The following LINGO1 variants were observed in gnomAD, a reference collection of about 807,000 sequenced individuals.
LINGO1 encodes leucine-rich repeat and immunoglobulin-like domain-containing nogo receptor-interacting protein 1.
LINGO1 carries 11 observed loss-of-function variants against 37.3 expected under a neutral mutation model. The ratio of observed to expected loss-of-function variants is 0.29; its 90% CI spans 0.19 to 0.49. The LOEUF (loss-of-function observed/expected upper bound fraction) is 0.49. Ranked by LOEUF, LINGO1 falls within the 20% of genes least tolerant of loss-of-function variation. The pLI is 0.99. For missense variants in LINGO1, 585 were observed against 878.2 expected (o/e 0.67, Z 4.22); for synonymous variants, 387 against 403.0 (o/e 0.96, Z 0.48).
At chr15:77,721,679 G>C (rs1235812776) in intron 2 of LINGO1, among the ~76,000 whole-genome samples, 1 of 152,178 alleles carries the variant, frequency 6.6e-6, no homozygotes, top group African/African-American at 2.4e-5. Flanking sequence ...GTCTGAGAAA[G>C]TCTGTTTTGA....
intron 3 of LINGO1, among the ~76,000 whole-genome samples, chr15:77,643,045 C>G (rs2074545225): frequency 6.6e-6 from 1 of 152,244 alleles, no homozygotes; most frequent in East Asian, 1.9e-4. Flanking sequence ...ACACACAGCG[C>G]ACTCTCTGAC....
intron 3 of LINGO1, among the ~76,000 whole-genome samples, chr15:77,661,182 A>G (rs1015827977): frequency 2.0e-5 from 3 of 152,166 alleles, no homozygotes; most frequent in African/African-American, 7.2e-5. Context: ...ACAGTGCCTG[A>G]GCCCCCAGAC....
At chr15:77,684,387 A>C (rs1355982328) in intron 2 of LINGO1, among the ~76,000 whole-genome samples, 1 of 152,200 alleles carries the variant, frequency 6.6e-6, no homozygotes, top group Non-Finnish European at 1.5e-5. Flanking sequence ...CAGTAATTAG[A>C]GGGGGTAAGT....
intron 2 of LINGO1, among the ~76,000 whole-genome samples, chr15:77,683,164 T>G (rs1036279307): frequency 6.6e-6 from 1 of 151,958 alleles, no homozygotes; most frequent in African/African-American, 2.4e-5. Flanking sequence ...GCAGAGTGAG[T>G]GTGGAGACCA....
intron 2 of LINGO1, among the ~76,000 whole-genome samples, chr15:77,722,268 C>A (rs1022917722): frequency 2.0e-5 from 3 of 152,192 alleles, no homozygotes; most frequent in Non-Finnish European, 4.4e-5. Context: ...CCTGGCTGAG[C>A]CTCTGGGCTG....
At chr15:77,699,712 C>CACCTGCACACAGTAAGTACATACTAA (rs1567532160), upstream of LINGO1, among the ~76,000 whole-genome samples, 10 of 1,808 alleles carry the variant, frequency 5.5e-3, no homozygotes, top group African/African-American at 0.01. Context: ...AACCATCATT[C>CACCTGCACACAGTAAGTACATACTAA]CCACACACAA....
At chr15:77,732,052 G>A (rs960797096) in intron 2 of LINGO1, among the ~76,000 whole-genome samples, 5 of 152,152 alleles carry the variant, frequency 3.3e-5, no homozygotes, top group African/African-American at 9.7e-5. Context: ...CCCTCACCAC[G>A]TGCCAGGTCA....
intron 3 of LINGO1, among the ~76,000 whole-genome samples, chr15:77,653,223 C>G (rs1478671460): frequency 6.6e-6 from 1 of 152,240 alleles, no homozygotes; most frequent in South Asian, 2.1e-4. Context: ...CCATCTGCTG[C>G]TCCAGGTTTC....
chr15:77,681,228 GTT>G (rs34047610), intron 2 of LINGO1, among the ~76,000 whole-genome samples: 5 of 150,562 alleles, frequency 3.3e-5, no homozygotes, highest in African/African-American at 9.8e-5. Flanking sequence ...ATTTCTGTGG[GTT>G]TTTTTTTTCT....
chr15:77,684,920 G>A (rs2075478114), intron 2 of LINGO1, among the ~76,000 whole-genome samples: 1 of 152,160 alleles, frequency 6.6e-6, no homozygotes, highest in African/African-American at 2.4e-5. Flanking sequence ...ACAAGCTCGG[G>A]GTGGTGCCCG....
chr15:77,639,315 A>T (rs957933084), upstream of LINGO1, among the ~76,000 whole-genome samples: 4 of 152,100 alleles, frequency 2.6e-5, no homozygotes, highest in African/African-American at 9.7e-5. Flanking sequence ...GCAATAGATA[A>T]TTAAACTCAT....
chr15:77,671,026 G>A (rs1196109170), intron 3 of LINGO1, among the ~76,000 whole-genome samples: 3 of 152,196 alleles, frequency 2.0e-5, no homozygotes, highest in Non-Finnish European at 4.4e-5. Flanking sequence ...CCAGGCACCA[G>A]GCACAGTTCC....
Position 77,614,770 on chromosome 15 carries a change from C to T in LINGO1, c.1137G>A (p.Trp379Ter). The change falls in exon 2 of 2, where the codon TGG becomes TGA. Residue 379 changes from tryptophan (W) to a stop codon, truncating the protein, a stop_gained. Transcript: ENST00000355300. LOFTEE classifies it high-confidence loss of function. ...TGAGCCGCCAGCGGCGCCGGAACAC[C>T]CACAGGAGCCGACAGTCGCAGGCCA... ...NPLACDCRLL[W>*]VFRRRWRLNF... 6.2e-7 allele frequency: 1 copy of T among 1,608,762 alleles called. No individual in the cohort carries two copies. Among genetic ancestry groups the T allele is most frequent in the Non-Finnish European group, 8.5e-7 (1 of 1,177,624 alleles).
chr15:77,740,223 G>A (rs2076249306), intron 1 of LINGO1, among the ~76,000 whole-genome samples: 1 of 152,224 alleles, frequency 6.6e-6, no homozygotes, highest in Non-Finnish European at 1.5e-5. Flanking sequence ...AAACAAGTAT[G>A]AGACCGCCAG....
chr15:77,642,203 T>C (rs1432312204), intron 3 of LINGO1, among the ~76,000 whole-genome samples: 2 of 152,192 alleles, frequency 1.3e-5, no homozygotes, highest in African/African-American at 4.8e-5. Context: ...CATTAAGACC[T>C]GAGTCCAGGA....
At chr15:77,704,645 G>A (rs1371259674) in intron 2 of LINGO1, among the ~76,000 whole-genome samples, 1 of 147,130 alleles carries the variant, frequency 6.8e-6, no homozygotes, top group Admixed American at 6.7e-5. Context: ...CCACACACTG[G>A]GCCCTGACCC....
chr15:77,798,697 G>A (rs1318874213), intron 1 of LINGO1, among the ~76,000 whole-genome samples: 1 of 152,264 alleles, frequency 6.6e-6, no homozygotes, highest in African/African-American at 2.4e-5. Context: ...CAGCCAAGGA[G>A]GGTGGAGGGG....
intron 1 of LINGO1, among the ~76,000 whole-genome samples, chr15:77,762,307 T>C (rs2076485645): frequency 6.6e-6 from 1 of 152,202 alleles, no homozygotes; most frequent in Non-Finnish European, 1.5e-5. Context: ...CAAGCACATG[T>C]GTTTGCTACG....
At chr15:77,630,206 C>A (rs951568126) in intron 1 of LINGO1, among the ~76,000 whole-genome samples, 2 of 152,130 alleles carry the variant, frequency 1.3e-5, no homozygotes, top group African/African-American at 4.8e-5. Context: ...CTCCACTTCC[C>A]CTACCCTCCA....
Sources: allele counts gnomAD v4.1 joint callset (sites outside exome capture counted in the v4.1 genomes callset), GRCh38; gene constraint gnomAD v4.1.1; transcripts MANE v1.5; gene names NCBI Gene and HGNC (gene_info 2026-07-23, HGNC 2026-07-21).